Variants in SYTL5 observed in about 807,000 individuals in gnomAD.
SYTL5 encodes the protein synaptotagmin-like protein 5.
SYTL5 carries 34 observed loss-of-function variants against 55.9 expected under a neutral mutation model. The observed-to-expected ratio is 0.61, with a 90% CI of 0.46 to 0.81. The LOEUF is 0.81. SYTL5 is among the 30% of genes least tolerant of loss of function. The pLI is 0.00. For synonymous variants in SYTL5, 221 were observed against 188.7 expected (o/e 1.17, Z -1.40); for missense variants, 637 against 546.7 (o/e 1.17, Z -1.65).
chrX:37,903,595 A>G, the SYTL5 span, among the ~76,000 whole-genome samples: 1 of 106,158 alleles, frequency 9.4e-6, no homozygotes, highest in Non-Finnish European at 2.0e-5. Flanking sequence ...GATATACCTA[A>G]TGTTAAATGA....
chrX:38,046,172 C>T (rs549874760), intron 2 of SYTL5, among the ~76,000 whole-genome samples: 2 of 111,692 alleles, frequency 1.8e-5, no homozygotes, highest in African/African-American at 3.3e-5. Context: ...AGTTACCTCT[C>T]GGAGATTCCA....
At chrX:37,892,790 T>C in the SYTL5 span, among the ~76,000 whole-genome samples, 14 of 96,406 alleles carry the variant, frequency 1.5e-4, no homozygotes, top group Admixed American at 2.5e-4. Flanking sequence ...ATTGTGTATA[T>C]ACATATATAC....
intron 14 of SYTL5, among the ~76,000 whole-genome samples, chrX:38,121,831 G>A (rs1937574111): frequency 8.9e-6 from 1 of 112,477 alleles, no homozygotes; most frequent in Non-Finnish European, 1.9e-5. Flanking sequence ...GTAAGGGAGT[G>A]TTTAAAGTTT....
chrX:38,115,815 A>G (rs1937476033), intron 13 of SYTL5, among the ~76,000 whole-genome samples: 1 of 112,035 alleles, frequency 8.9e-6, no homozygotes, highest in Admixed American at 9.5e-5. Context: ...TTCCTCATGT[A>G]TCTTCGATAT....
intron 15 of SYTL5, among the ~76,000 whole-genome samples, chrX:38,124,978 C>G (rs1937612659): frequency 8.9e-6 from 1 of 111,740 alleles, no homozygotes; most frequent in African/African-American, 3.3e-5. Flanking sequence ...GAAAGTATAT[C>G]AGGAACTTCC....
rs1253009760 is a variant in SYTL5 at position 38,126,765 on chromosome X, C to T, written c.*35C>T. ...TTCTCCAAGAATGAGGCCACCAGGA[C>T]CTATCTGGCTGTCTTTTCCTACCAT... On this transcript the variant is annotated 3_prime_UTR_variant, in exon 17 of 17. Coordinates refer to ENST00000297875, the MANE Select transcript of SYTL5 (RefSeq NM_138780.3). 8 of 1,171,517 alleles carry T rather than the reference C, an allele frequency of 6.8e-6. No individual in the cohort carries two copies. Among genetic ancestry groups the T allele is most frequent in the Non-Finnish European group, 9.2e-6 (8 of 873,675 alleles).
the SYTL5 span, among the ~76,000 whole-genome samples, chrX:37,913,439 C>G: frequency 8.9e-6 from 1 of 112,800 alleles, no homozygotes; most frequent in East Asian, 2.8e-4. Flanking sequence ...CCTCACTGCA[C>G]AGCCTTATAG....
chrX:37,901,266 G>A, the SYTL5 span, among the ~76,000 whole-genome samples: 1 of 111,857 alleles, frequency 8.9e-6, no homozygotes, highest in African/African-American at 3.2e-5. Flanking sequence ...ATCTCCCTCA[G>A]GTGATCCGGG....
At chrX:37,923,048 C>T in the SYTL5 span, among the ~76,000 whole-genome samples, 1 of 112,432 alleles carries the variant, frequency 8.9e-6, no homozygotes, top group Non-Finnish European at 1.9e-5. Flanking sequence ...AAATTTAAAA[C>T]TTGGTATCAG....
chrX:37,982,296 A>G, the SYTL5 span, among the ~76,000 whole-genome samples: 1 of 112,432 alleles, frequency 8.9e-6, no homozygotes, highest in Admixed American at 9.4e-5. Context: ...TGTAAAGTTC[A>G]ATAGAGGGCT....
At chrX:37,952,770 A>G in the SYTL5 span, among the ~76,000 whole-genome samples, 1 of 111,364 alleles carries the variant, frequency 9.0e-6, no homozygotes, top group Non-Finnish European at 1.9e-5. Flanking sequence ...GAAAAGAGAG[A>G]AAATGATAGA....
At chrX:38,071,952 A>G in intron 3 of SYTL5, 95 bp from the exon 4 acceptor site, 2 of 549,361 alleles carry the variant, frequency 3.6e-6, no homozygotes, top group Non-Finnish European at 6.2e-6. Flanking sequence ...AACTTTATAA[A>G]TAATTTGCTG....
the SYTL5 span, among the ~76,000 whole-genome samples, chrX:37,960,807 TTTA>T: frequency 3.8e-4 from 36 of 95,418 alleles, no homozygotes; most frequent in Admixed American, 1.5e-3. Context: ...TATTTATTTA[TTTA>T]TTTGAGATGG....
the SYTL5 span, among the ~76,000 whole-genome samples, chrX:37,976,942 C>T: frequency 9.0e-6 from 1 of 111,123 alleles, no homozygotes; most frequent in Non-Finnish European, 1.9e-5. Context: ...CCAACCTGGG[C>T]AACATAGCAA....
chrX:38,007,760 G>T (rs1003165967), intron 1 of SYTL5, among the ~76,000 whole-genome samples: 5 of 111,135 alleles, frequency 4.5e-5, no homozygotes, highest in African/African-American at 1.6e-4. Flanking sequence ...TCCTTAAATT[G>T]GTCCTTGCAT....
Position 38,120,425 on chromosome X carries a change from C to T in SYTL5, c.1664C>T (p.Pro555Leu). 1.7e-6 allele frequency: 2 copies of T among 1,210,285 alleles called. No individual in the cohort carries two copies. Among genetic ancestry groups the T allele is most frequent in the Non-Finnish European group, 2.2e-6 (2 of 894,356 alleles). ...GELTVVLRYI[P>L]PEENLMLPPE... is the part of the protein sequence containing the mutation. Reference sequence around the variant, plus strand: ...CTGACAGTTGTTTTACGTTACATTCCCCCAGAAGAGAACCTGATGCTTCCA... The same window carrying T: ...CTGACAGTTGTTTTACGTTACATTCTCCCAGAAGAGAACCTGATGCTTCCA... Residue 555 changes from proline (P) to leucine (L), a missense_variant, in exon 14 of 17, where the codon CCC becomes CTC. Pro to Leu is a moderately conservative substitution (Grantham distance 98). Coordinates refer to ENST00000297875, the MANE Select transcript of SYTL5 (RefSeq NM_138780.3).
At chrX:37,945,303 T>A in the SYTL5 span, among the ~76,000 whole-genome samples, 1 of 112,374 alleles carries the variant, frequency 8.9e-6, no homozygotes, top group African/African-American at 3.2e-5. Flanking sequence ...TCCCAAAGAT[T>A]TGATACTAAC....
At chrX:37,978,644 T>C in the SYTL5 span, among the ~76,000 whole-genome samples, 1 of 112,189 alleles carries the variant, frequency 8.9e-6, no homozygotes, top group Non-Finnish European at 1.9e-5. Context: ...TTATGAAATA[T>C]AGACAAGTAG....
At chrX:38,095,784 T>G (rs1025765166) in intron 8 of SYTL5, among the ~76,000 whole-genome samples, 2 of 110,346 alleles carry the variant, frequency 1.8e-5, no homozygotes, top group Non-Finnish European at 3.8e-5. Context: ...TTTTTCTAAA[T>G]TTAAGGGCCC....
Sources: allele counts gnomAD v4.1 joint callset (sites outside exome capture counted in the v4.1 genomes callset), GRCh38; gene constraint gnomAD v4.1.1; transcripts MANE v1.5; gene names NCBI Gene and HGNC (gene_info 2026-07-23, HGNC 2026-07-21).